Variants in SYNDIG1 observed in about 807,000 individuals in gnomAD.
SYNDIG1 encodes synapse differentiation-inducing gene protein 1.
A neutral mutation model predicts 19.4 loss-of-function variants in SYNDIG1; 9 were observed. That is an observed-to-expected ratio of 0.46 (90% CI 0.28 to 0.81). SYNDIG1 has a LOEUF of 0.81. Ranked by LOEUF, SYNDIG1 falls within the 30% of genes least tolerant of loss-of-function variation. SYNDIG1 has a pLI of 0.12. For missense variants in SYNDIG1, 311 were observed against 343.3 expected, an observed-to-expected ratio of 0.91 and a Z score of 0.74; for synonymous variants, 141 against 145.9, an observed-to-expected ratio of 0.97 and a Z score of 0.24.
intron 1 of SYNDIG1, among the ~76,000 whole-genome samples, chr20:24,504,120 G>A (rs577055153): frequency 9.2e-5 from 14 of 152,104 alleles, no homozygotes; most frequent in Middle Eastern, 3.4e-3. Flanking sequence ...CCACCACGCC[G>A]ACTAATTTTT....
intron 3 of SYNDIG1, among the ~76,000 whole-genome samples, chr20:24,636,327 G>T (rs755024660): frequency 7.9e-5 from 12 of 152,192 alleles, no homozygotes; most frequent in Non-Finnish European, 1.6e-4. Context: ...TACAAGAAGT[G>T]TATTTAAGAG....
At chr20:24,662,278 G>A (rs1284652406) in intron 3 of SYNDIG1, among the ~76,000 whole-genome samples, 1 of 151,842 alleles carries the variant, frequency 6.6e-6, no homozygotes, top group African/African-American at 2.4e-5. Context: ...TTCCATAGCT[G>A]TCATTGCTAT....
intron 1 of SYNDIG1, among the ~76,000 whole-genome samples, chr20:24,478,234 A>G (rs1388716176): frequency 6.6e-6 from 1 of 152,260 alleles, no homozygotes; most frequent in Non-Finnish European, 1.5e-5. Context: ...CACCAGCTTC[A>G]ACCATTGGTG....
At chr20:24,481,050 C>T (rs2055782252) in intron 1 of SYNDIG1, among the ~76,000 whole-genome samples, 1 of 152,042 alleles carries the variant, frequency 6.6e-6, no homozygotes, top group Non-Finnish European at 1.5e-5. Flanking sequence ...AACCCTTGTG[C>T]AGCAATGTCA....
At chr20:24,656,919 G>GGTGCT (rs755673195) in intron 3 of SYNDIG1, among the ~76,000 whole-genome samples, 24 of 152,312 alleles carry the variant, frequency 1.6e-4, no homozygotes, top group Admixed American at 4.6e-4. Flanking sequence ...CTCATGGCTT[G>GGTGCT]GTGCTGTCCT....
chr20:24,645,733 T>A (rs1050631145), intron 3 of SYNDIG1, among the ~76,000 whole-genome samples: 1 of 152,222 alleles, frequency 6.6e-6, no homozygotes, highest in Non-Finnish European at 1.5e-5. Context: ...GGGAGACTCA[T>A]ACTACCAGTA....
At chr20:24,518,078 T>C (rs2056925416) in intron 1 of SYNDIG1, among the ~76,000 whole-genome samples, 1 of 151,964 alleles carries the variant, frequency 6.6e-6, no homozygotes, top group African/African-American at 2.4e-5. Flanking sequence ...AGTGCTGTTT[T>C]TTAGGACTTT....
At position 24,545,051 on chromosome 20, in the gene SYNDIG1, C is replaced by T. The variant is rs117571497; in HGVS notation, c.480+1474C>T. Among the ~76,000 whole-genome samples, 280 of 152,116 alleles carry T rather than the reference C, an allele frequency of 1.8e-3. 1 individual carries two copies. The South Asian group carries it at 0.035, about 19-fold the overall frequency. On this transcript the variant is annotated intron_variant, in intron 2 of 3. Transcript: ENST00000376862. ...GGGACCCCACACTTGATAGAAAGGC[C>T]GGAGAAATTGCAAGGGAATGACAGG...
chr20:24,512,523 C>T (rs1276852267), intron 1 of SYNDIG1, among the ~76,000 whole-genome samples: 2 of 151,998 alleles, frequency 1.3e-5, no homozygotes, highest in Non-Finnish European at 2.9e-5. Context: ...GTCCCACGCC[C>T]ACGGAGCCTC....
chr20:24,486,312 C>A (rs1022762520), intron 1 of SYNDIG1, among the ~76,000 whole-genome samples: 1 of 152,196 alleles, frequency 6.6e-6, no homozygotes, highest in Non-Finnish European at 1.5e-5. Context: ...CAGGTGGAGG[C>A]CCTGGGCTGA....
intron 3 of SYNDIG1, among the ~76,000 whole-genome samples, chr20:24,661,528 A>AGGAGGG (rs1568723356): frequency 6.0e-3 from 35 of 5,812 alleles, no homozygotes; most frequent in East Asian, 0.011. Context: ...GGAGGGAGGA[A>AGGAGGG]AAAAGGAGGA....
intron 2 of SYNDIG1, among the ~76,000 whole-genome samples, chr20:24,582,633 G>C (rs1361286502): frequency 1.3e-5 from 2 of 151,910 alleles, no homozygotes; most frequent in Admixed American, 1.3e-4. Flanking sequence ...ACAGGCTGGG[G>C]CCTCACAACT....
chr20:24,488,146 A>C (rs2056022208), intron 1 of SYNDIG1, among the ~76,000 whole-genome samples: 1 of 149,526 alleles, frequency 6.7e-6, no homozygotes, highest in Non-Finnish European at 1.5e-5. Context: ...TCTCTGCATA[A>C]TACTCTATAT....
intron 3 of SYNDIG1, among the ~76,000 whole-genome samples, chr20:24,624,691 C>G (rs1281537563): frequency 4.6e-5 from 7 of 152,134 alleles, no homozygotes; most frequent in Non-Finnish European, 5.9e-5. Flanking sequence ...CACTATCAAT[C>G]AACTTGACCT....
At chr20:24,656,193 C>T (rs1326468899) in intron 3 of SYNDIG1, among the ~76,000 whole-genome samples, 1 of 152,128 alleles carries the variant, frequency 6.6e-6, no homozygotes, top group African/African-American at 2.4e-5. Flanking sequence ...CAGAGCACTT[C>T]TCTATGAGTG....
At chr20:24,500,490 C>G (rs1330151556) in intron 1 of SYNDIG1, among the ~76,000 whole-genome samples, 1 of 92,806 alleles carries the variant, frequency 1.1e-5, no homozygotes, top group Admixed American at 1.0e-4. Context: ...TTCTTTCTTT[C>G]TTTCTTTCTT....
intron 1 of SYNDIG1, among the ~76,000 whole-genome samples, chr20:24,474,836 C>T (rs1273761346): frequency 1.3e-5 from 2 of 152,250 alleles, no homozygotes; most frequent in African/African-American, 4.8e-5. Flanking sequence ...ACGTTACCTC[C>T]ATCTGTTTCT....
chr20:24,569,660 T>C (rs2058109183), intron 2 of SYNDIG1, among the ~76,000 whole-genome samples: 1 of 152,220 alleles, frequency 6.6e-6, no homozygotes, highest in African/African-American at 2.4e-5. Context: ...CAGCTTTCTA[T>C]TAAAAAATCA....
intron 2 of SYNDIG1, among the ~76,000 whole-genome samples, chr20:24,549,965 C>T (rs970683921): frequency 3.3e-5 from 5 of 152,306 alleles, no homozygotes; most frequent in African/African-American, 1.2e-4. Context: ...CCATGTTGTT[C>T]TGCCATCTGT....
Sources: gnomAD v4.1 joint callset for allele counts (sites outside exome capture counted in the v4.1 genomes callset) on GRCh38, gnomAD v4.1.1 for gene constraint, MANE v1.5 for transcripts, NCBI Gene and HGNC (gene_info 2026-07-23, HGNC 2026-07-21) for gene names.